Variants in NCKAP5 observed in about 807,000 individuals in gnomAD.
The protein encoded by NCKAP5 is NCK associated protein 5.
Under a neutral mutation model 167.0 loss-of-function variants are expected in NCKAP5, and 92 were observed. The observed-to-expected ratio is 0.55, with a 90% confidence interval of 0.47 to 0.66. The LOEUF (loss-of-function observed/expected upper bound fraction) is 0.66, where lower values mean the gene tolerates loss of function less well. NCKAP5 is among the 30% of genes least tolerant of loss of function. The pLI, the probability that NCKAP5 is intolerant of heterozygous loss-of-function variation, is 0.00. For missense variants in NCKAP5, 2,378 were observed against 2,315.0 expected (o/e 1.03, Z -0.56); for synonymous variants, 891 against 877.4 (o/e 1.02, Z -0.27).
intron 8 of NCKAP5, among the ~76,000 whole-genome samples, chr2:132,914,896 C>T (rs1374460877): frequency 6.6e-6 from 1 of 150,566 alleles, no homozygotes; most frequent in Non-Finnish European, 1.5e-5. Flanking sequence ...TGTATGATGA[C>T]ATCCCAGAAA....
At chr2:133,366,995 G>A (rs1376799857) in intron 3 of NCKAP5, among the ~76,000 whole-genome samples, 1 of 152,150 alleles carries the variant, frequency 6.6e-6, no homozygotes, top group Non-Finnish European at 1.5e-5. Context: ...AACAGCGATT[G>A]GCTGATAAAC....
At chr2:132,804,460 T>C (rs1047080521) in intron 11 of NCKAP5, among the ~76,000 whole-genome samples, 3 of 152,218 alleles carry the variant, frequency 2.0e-5, no homozygotes, top group Middle Eastern at 3.2e-3. Flanking sequence ...AATCAAGCTT[T>C]ATTTTTGAAA....
intron 3 of NCKAP5, among the ~76,000 whole-genome samples, chr2:133,332,156 C>G (rs982006590): frequency 6.6e-6 from 1 of 152,260 alleles, no homozygotes; most frequent in African/African-American, 2.4e-5. Context: ...AATTGTTTTT[C>G]TAAGCTTCAG....
chr2:133,608,333 A>G, the NCKAP5 span, among the ~76,000 whole-genome samples: 1 of 152,176 alleles, frequency 6.6e-6, no homozygotes, highest in Non-Finnish European at 1.5e-5. Flanking sequence ...AAGGATCTTA[A>G]GAGAGGTTAG....
At chr2:133,060,303 T>C (rs2149513573) in intron 6 of NCKAP5, among the ~76,000 whole-genome samples, 1 of 152,268 alleles carries the variant, frequency 6.6e-6, no homozygotes, top group Admixed American at 6.5e-5. Flanking sequence ...AAGAAAAATA[T>C]CAAGCTTCTA....
At chr2:133,057,697 A>G (rs1449917219) in intron 6 of NCKAP5, among the ~76,000 whole-genome samples, 2 of 152,270 alleles carry the variant, frequency 1.3e-5, no homozygotes, top group East Asian at 3.8e-4. Context: ...CCAATACCAT[A>G]ACACGAAAAT....
intron 16 of NCKAP5, among the ~76,000 whole-genome samples, chr2:132,748,238 A>G (rs757671742): frequency 6.6e-6 from 1 of 152,194 alleles, no homozygotes; most frequent in Non-Finnish European, 1.5e-5. Flanking sequence ...GCCTTTCTCT[A>G]TACCTCCAAC....
At chr2:132,779,889 C>T (rs950327499) in intron 15 of NCKAP5, among the ~76,000 whole-genome samples, 1 of 152,112 alleles carries the variant, frequency 6.6e-6, no homozygotes, top group African/African-American at 2.4e-5. Flanking sequence ...AGTTTTCCCT[C>T]AGAAAATTGT....
intron 6 of NCKAP5, among the ~76,000 whole-genome samples, chr2:133,012,577 A>G (rs2078198663): frequency 6.6e-6 from 1 of 151,972 alleles, no homozygotes; most frequent in African/African-American, 2.4e-5. Flanking sequence ...CTCCCCTTCA[A>G]TGGCTTTTTC....
At chr2:133,109,630 GTAATT>G (rs2081841579) in intron 6 of NCKAP5, among the ~76,000 whole-genome samples, 2 of 151,952 alleles carry the variant, frequency 1.3e-5, no homozygotes, top group South Asian at 2.1e-4. Context: ...AAAAAATATA[GTAATT>G]TAGAGTTTGA....
chr2:132,808,846 G>A (rs1287233606), intron 11 of NCKAP5, among the ~76,000 whole-genome samples: 1 of 151,918 alleles, frequency 6.6e-6, no homozygotes, highest in African/African-American at 2.4e-5. Flanking sequence ...CTAGTTCCTT[G>A]AGGTGTGACC....
At chr2:132,706,318 T>C (rs1385936766) in intron 19 of NCKAP5, among the ~76,000 whole-genome samples, 1 of 152,110 alleles carries the variant, frequency 6.6e-6, no homozygotes, top group Non-Finnish European at 1.5e-5. Flanking sequence ...AATAAAAAAC[T>C]CACTGCTCTG....
At chr2:132,687,805 C>A in intron 19 of NCKAP5, among the ~76,000 whole-genome samples, 1 of 146,910 alleles carries the variant, frequency 6.8e-6, no homozygotes, top group Admixed American at 6.8e-5. Flanking sequence ...TCATTTTAAG[C>A]AAGGGAAAAA....
In NCKAP5 at chr2:132,816,355, T is replaced by C. The variant is rs574567360; in HGVS notation, c.808-19626A>G. ...CACAAGTAGCAAGCGGAAGAGGGGA[T>C]AGGTAAATGCTTCAGTAGGTTCGTT... On this transcript the variant is annotated intron_variant, in intron 11 of 19. Transcript: ENST00000409261. Among the ~76,000 whole-genome samples the C allele has an allele frequency of 2.6e-5, 4 of 152,112 alleles. No homozygotes were observed. The East Asian group carries it at 7.8e-4, about 30-fold the overall frequency.
intron 2 of NCKAP5, among the ~76,000 whole-genome samples, chr2:133,532,232 A>G (rs1440921758): frequency 6.6e-6 from 1 of 152,236 alleles, no homozygotes. Context: ...GGTTTACCCC[A>G]ATTCCAAAAG....
chr2:133,426,684 A>T (rs1689829337), intron 3 of NCKAP5, among the ~76,000 whole-genome samples: 1 of 152,196 alleles, frequency 6.6e-6, no homozygotes, highest in African/African-American at 2.4e-5. Context: ...TCTAACGATC[A>T]TACCTTATTC....
chr2:132,935,937 A>G lies in NCKAP5; in HGVS notation c.579+27783T>C, dbSNP rs114530281. Among the ~76,000 whole-genome samples, 209 of 152,128 alleles carry G rather than the reference A, an allele frequency of 1.4e-3. 1 individual carries two copies. The highest frequency in any genetic ancestry group is 4.9e-3 in the African/African-American group (204 of 41,526). ...CTGGTGCCGTTAATCAGGAATGATA[A>G]TTCAGGCAAAAGAGTTAAACTACCT... On this transcript the variant is annotated intron_variant, in intron 8 of 19. Coordinates refer to ENST00000409261, the MANE Select transcript of NCKAP5 (RefSeq NM_207363.3).
intron 4 of NCKAP5, among the ~76,000 whole-genome samples, chr2:133,263,831 ACT>A (rs778134266): frequency 3.3e-5 from 5 of 151,584 alleles, no homozygotes; most frequent in African/African-American, 4.9e-5. Context: ...AGGCACACAA[ACT>A]CTTTTTTTTA....
At chr2:133,601,523 A>G in the NCKAP5 span, among the ~76,000 whole-genome samples, 2 of 152,138 alleles carry the variant, frequency 1.3e-5, no homozygotes, top group South Asian at 4.1e-4. Flanking sequence ...TGAGGTCAGG[A>G]GTTTAAGACC....
Sources: allele counts gnomAD v4.1 joint callset (sites outside exome capture counted in the v4.1 genomes callset), GRCh38; gene constraint gnomAD v4.1.1; transcripts MANE v1.5; gene names NCBI Gene and HGNC (gene_info 2026-07-23, HGNC 2026-07-21).